TMCO6: variants seen among roughly 807,000 people sequenced by gnomAD.
TMCO6 encodes the protein transmembrane and coiled-coil domains 6, also known as transmembrane and coiled-coil domain-containing protein 6.
In TMCO6, 47 loss-of-function variants were observed where a neutral mutation model predicts 61.8. The observed-to-expected ratio is 0.76, with a 90% CI of 0.60 to 0.97. TMCO6 has a LOEUF of 0.97. TMCO6 is among the 50% of genes least tolerant of loss of function. The pLI is 0.00. For missense variants in TMCO6, 557 were observed against 601.6 expected (o/e 0.93, Z 0.78); for synonymous variants, 261 against 254.2 (o/e 1.03, Z -0.25).
the TMCO6 span, among the ~76,000 whole-genome samples, chr5:140,626,807 C>T: frequency 6.6e-6 from 1 of 152,164 alleles, no homozygotes; most frequent in Admixed American, 6.5e-5. Context: ...CTGCCTTGGC[C>T]TCCCAAAGTG....
chr5:140,635,846 C>A (rs1255519900), upstream of TMCO6, among the ~76,000 whole-genome samples: 1 of 152,148 alleles, frequency 6.6e-6, no homozygotes, highest in Admixed American at 6.5e-5. Context: ...GGGGCTGGTT[C>A]TTACAGGGTT....
At chr5:140,605,573 G>A in the TMCO6 span, among the ~76,000 whole-genome samples, 2 of 151,980 alleles carry the variant, frequency 1.3e-5, no homozygotes, top group Non-Finnish European at 1.5e-5. Context: ...CCAGCTACTT[G>A]GGAGGCTGAG....
At chr5:140,612,334 CTTTT>C in the TMCO6 span, among the ~76,000 whole-genome samples, 1 of 112,230 alleles carries the variant, frequency 8.9e-6, no homozygotes, top group Non-Finnish European at 1.7e-5. Context: ...CTTGCCCAAT[CTTTT>C]TTTTTTTTTT....
the TMCO6 span, among the ~76,000 whole-genome samples, chr5:140,612,532 G>C: frequency 6.6e-6 from 1 of 151,968 alleles, no homozygotes; most frequent in African/African-American, 2.4e-5. Flanking sequence ...GTAGAGACGG[G>C]GTTTCACCGT....
chr5:140,647,541 C>G (rs773844456), downstream of TMCO6: 2 of 1,611,988 alleles, frequency 1.2e-6, no homozygotes, highest in Non-Finnish European at 1.7e-6. Context: ...TCACGCAGGC[C>G]CAGCTTTGCC....
the TMCO6 span, among the ~76,000 whole-genome samples, chr5:140,598,923 A>G: frequency 2.0e-5 from 3 of 152,134 alleles, no homozygotes; most frequent in Non-Finnish European, 2.9e-5. Flanking sequence ...GTGACAGACC[A>G]AGACTCCATC....
chr5:140,645,623 G>C (rs1352526740), downstream of TMCO6: 2 of 1,614,146 alleles, frequency 1.2e-6, no homozygotes, highest in Non-Finnish European at 1.7e-6. Flanking sequence ...CCAGGGCTCT[G>C]GTTACCTGAT....
intron 9 of TMCO6, 59 bp downstream of exon 9, chr5:140,644,025 G>GC (rs1218819918): frequency 9.3e-6 from 15 of 1,612,816 alleles, no homozygotes; most frequent in Non-Finnish European, 1.3e-5. Context: ...TTTCCTCATG[G>GC]CCTAGGCTGA....
the TMCO6 span, chr5:140,631,765 G>A: frequency 4.6e-5 from 55 of 1,201,290 alleles, no homozygotes; most frequent in Non-Finnish European, 5.9e-5. Context: ...GTGGGGCAAA[G>A]GGTTGAATTG....
chr5:140,601,586 G>A, the TMCO6 span, among the ~76,000 whole-genome samples: 9 of 152,074 alleles, frequency 5.9e-5, no homozygotes, highest in African/African-American at 2.2e-4. Flanking sequence ...ACAGAGTCTC[G>A]TTCTGTCACC....
At chr5:140,630,980 G>C in the TMCO6 span, among the ~76,000 whole-genome samples, 1 of 152,218 alleles carries the variant, frequency 6.6e-6, no homozygotes, top group Non-Finnish European at 1.5e-5. Flanking sequence ...GGCTGATGCT[G>C]TAGGTCTCTG....
chr5:140,599,938 TAA>T, the TMCO6 span, among the ~76,000 whole-genome samples: 5 of 99,534 alleles, frequency 5.0e-5, no homozygotes, highest in African/African-American at 1.9e-4. Context: ...TAAAATAAAA[TAA>T]AATAAAATAA....
At position 140,645,002 on chromosome 5, in the gene TMCO6, G is replaced by A. The variant is rs1262015264; in HGVS notation, c.1386G>A (p.Leu462=). 1.2e-6 allele frequency: 2 copies of A among 1,614,056 alleles called. No individual in the cohort carries two copies. The highest frequency in any genetic ancestry group is 1.1e-5 in the South Asian group (1 of 91,092). The change falls in exon 12 of 12, where the codon CTG becomes CTA. Residue 462 remains leucine, a synonymous_variant. Coordinates refer to ENST00000394671, the MANE Select transcript of TMCO6 (RefSeq NM_018502.5). ...LYQPEAVQVF[L]QQSGLQALER... ...GCCCCTAGGCTGTTCAGGTCTTCCT[G>A]CAGCAGTCAGGGCTGCAAGCCCTGG...
chr5:140,636,460 C>A (rs1756772071), upstream of TMCO6, among the ~76,000 whole-genome samples: 2 of 143,824 alleles, frequency 1.4e-5, no homozygotes, highest in Non-Finnish European at 1.5e-5. Context: ...CCGAGCAAGA[C>A]CCTGGCTCAA....
chr5:140,645,763 A>G (rs771900672), downstream of TMCO6: 16 of 1,592,424 alleles, frequency 1.0e-5, no homozygotes, highest in Non-Finnish European at 9.4e-6. Flanking sequence ...TCTTTATCTT[A>G]GTCTTGTTAA....
intron 7 of TMCO6, 132 bp from the exon 8 acceptor site, chr5:140,643,431 AG>A: frequency 1.2e-6 from 1 of 830,336 alleles, no homozygotes; most frequent in Non-Finnish European, 2.0e-6. Context: ...TCCTGACCTC[AG>A]GTGATCCACC....
rs542186388 is a variant in TMCO6, at chr5:140,643,955, A to G, written c.1094A>G (p.Asn365Ser). 2 of 1,614,204 alleles carry G rather than the reference A, an allele frequency of 1.2e-6. No individual in the cohort carries two copies. Among genetic ancestry groups the G allele is most frequent in the South Asian group, 1.1e-5 (1 of 91,076 alleles). Residue 365 changes from asparagine (N) to serine (S), a missense_variant, in exon 9 of 12, where the codon AAC becomes AGC. Coordinates refer to ENST00000394671, the MANE Select transcript of TMCO6 (RefSeq NM_018502.5). ...CTCCCTGAGGGCCTTTGGCTCCTCA[A>G]CAACCTCACTGGTACGCACCATAAT... ...SLLPEGLWLL[N>S]NLTANSPSFC...
chr5:140,613,963 G>A, the TMCO6 span, among the ~76,000 whole-genome samples: 1 of 151,630 alleles, frequency 6.6e-6, no homozygotes, highest in African/African-American at 2.4e-5. Context: ...CAGTGGTGCG[G>A]TCTCGGCTCA....
chr5:140,642,579 C>T lies in TMCO6; in HGVS notation c.604-7C>T. On this transcript the variant is annotated splice_polypyrimidine_tract_variant and splice_region_variant and intron_variant, in intron 5 of 11. Transcript: ENST00000394671. ...TCCAGTCAGATCCTTACCCTGTCTACTTCCAGTCCCCCCATGTGGCTGTGC... is the reference window on the plus strand; with the variant it reads ...TCCAGTCAGATCCTTACCCTGTCTATTTCCAGTCCCCCCATGTGGCTGTGC... 6.2e-7 allele frequency: 1 copy of T among 1,614,240 alleles called. No individual in the cohort carries two copies. The highest frequency in any genetic ancestry group is 8.5e-7 in the Non-Finnish European group (1 of 1,180,024).
Sources: allele counts gnomAD v4.1 joint callset (sites outside exome capture counted in the v4.1 genomes callset), GRCh38; gene constraint gnomAD v4.1.1; transcripts MANE v1.5; gene names NCBI Gene and HGNC (gene_info 2026-07-23, HGNC 2026-07-21).